Variants in SLC4A4 observed in about 807,000 individuals in gnomAD.
The protein encoded by SLC4A4 is electrogenic sodium bicarbonate cotransporter 1.
In SLC4A4, 27 loss-of-function variants were observed where a neutral mutation model predicts 111.5. The observed-to-expected ratio is 0.24, with a 90% confidence interval of 0.18 to 0.33. The LOEUF is 0.33. Among genes scored for constraint, SLC4A4 ranks in the 10% least tolerant of loss-of-function variants. The pLI, the probability that SLC4A4 is intolerant of heterozygous loss-of-function variation, is 1.00. For missense variants in SLC4A4, 909 were observed against 1,315.5 expected, an observed-to-expected ratio of 0.69 and a Z score of 4.78; for synonymous variants, 443 against 463.4, an observed-to-expected ratio of 0.96 and a Z score of 0.57.
chr4:71,560,799 A>G (rs1477739611), intron 23 of SLC4A4, among the ~76,000 whole-genome samples: 1 of 151,768 alleles, frequency 6.6e-6, no homozygotes, highest in Non-Finnish European at 1.5e-5. Context: ...TTCAATAAAA[A>G]GAAAAGGGAA....
intron 20 of SLC4A4, among the ~76,000 whole-genome samples, chr4:71,549,316 C>G (rs1195034076): frequency 1.3e-5 from 2 of 151,820 alleles, no homozygotes; most frequent in East Asian, 3.9e-4. Flanking sequence ...ACAGTGTTAC[C>G]TTTTAGGCAA....
intron 16 of SLC4A4, among the ~76,000 whole-genome samples, chr4:71,498,193 C>T (rs957914854): frequency 1.2e-4 from 19 of 152,172 alleles, no homozygotes; most frequent in African/African-American, 4.1e-4. Context: ...GCCAAACTTT[C>T]CTTCCCGTAA....
chr4:71,091,763 G>A (rs532817075), intron 1 of SLC4A4, among the ~76,000 whole-genome samples: 1 of 152,200 alleles, frequency 6.6e-6, no homozygotes, highest in African/African-American at 2.4e-5. Flanking sequence ...TTAGGATCTG[G>A]CTCCTAAGAC....
chr4:71,074,446 G>A (rs1484105811), intron 1 of SLC4A4, among the ~76,000 whole-genome samples: 2 of 152,154 alleles, frequency 1.3e-5, no homozygotes, highest in Non-Finnish European at 2.9e-5. Flanking sequence ...AAACTTCATT[G>A]TTGTTCAAAA....
At chr4:71,449,968 C>T (rs1725606870) in intron 9 of SLC4A4, among the ~76,000 whole-genome samples, 4 of 152,214 alleles carry the variant, frequency 2.6e-5, no homozygotes, top group Admixed American at 2.6e-4. Context: ...CCGATCTTAA[C>T]ACTCAGCTTG....
chr4:71,091,546 C>G (rs936070605), intron 1 of SLC4A4, among the ~76,000 whole-genome samples: 1 of 152,054 alleles, frequency 6.6e-6, no homozygotes, highest in African/African-American at 2.4e-5. Context: ...AGCCACTGCA[C>G]CCGGCCTGGC....
chr4:71,535,956 T>C (rs1734378099), intron 18 of SLC4A4, among the ~76,000 whole-genome samples: 1 of 152,090 alleles, frequency 6.6e-6, no homozygotes, highest in Non-Finnish European at 1.5e-5. Flanking sequence ...GGTTTTCACT[T>C]ATGATGAAAG....
chr4:71,325,338 G>A (rs1447876738), intron 3 of SLC4A4, among the ~76,000 whole-genome samples: 1 of 151,918 alleles, frequency 6.6e-6, no homozygotes, highest in Middle Eastern at 3.4e-3. Context: ...ATAATAGGAG[G>A]GTATATCAGG....
At chr4:71,237,620 A>G (rs1163527193) in intron 2 of SLC4A4, among the ~76,000 whole-genome samples, 1 of 152,102 alleles carries the variant, frequency 6.6e-6, no homozygotes, top group Admixed American at 6.5e-5. Context: ...GAGAGTCAGT[A>G]TTGTATGTTC....
chr4:71,091,724 C>T (rs1742397084), intron 1 of SLC4A4, among the ~76,000 whole-genome samples: 1 of 152,048 alleles, frequency 6.6e-6, no homozygotes, highest in Admixed American at 6.6e-5. Context: ...TAAAGAGATC[C>T]CATCTTTGGG....
intron 1 of SLC4A4, among the ~76,000 whole-genome samples, chr4:71,218,052 A>G (rs1174499395): frequency 6.6e-6 from 1 of 152,174 alleles, no homozygotes. Flanking sequence ...AGAAGAAATA[A>G]TTCTTTCTTT....
intron 7 of SLC4A4, among the ~76,000 whole-genome samples, chr4:71,429,483 T>C (rs1203551514): frequency 6.6e-6 from 1 of 152,078 alleles, no homozygotes; most frequent in Non-Finnish European, 1.5e-5. Flanking sequence ...TGAGTAACTA[T>C]AGCATCACTA....
rs568554096 is a variant in SLC4A4 at position 71,342,751 on chromosome 4, G to T, written c.389+3246G>T. On this transcript the variant is annotated intron_variant, in intron 4 of 25. Coordinates refer to ENST00000264485, the MANE Select transcript of SLC4A4 (RefSeq NM_001098484.3). ...AAAGGTAGAGAGATTATAGTTCATT[G>T]TATAGGTAATTCAACATTGAATGAT... is the stretch of plus-strand genomic sequence containing the variant. Among the ~76,000 whole-genome samples, 31 of 152,158 alleles carry T rather than the reference G, an allele frequency of 2.0e-4. No homozygotes were observed. The East Asian group carries it at 5.4e-3, about 26-fold the overall frequency.
chr4:71,539,436 T>C (rs1275453761), intron 18 of SLC4A4, among the ~76,000 whole-genome samples: 3 of 152,166 alleles, frequency 2.0e-5, no homozygotes, highest in Non-Finnish European at 4.4e-5. Context: ...AAGTTTAAAA[T>C]GGCTTTCTTC....
chr4:71,133,452 C>T (rs1434452800), intron 2 of SLC4A4, among the ~76,000 whole-genome samples: 1 of 152,200 alleles, frequency 6.6e-6, no homozygotes, highest in Non-Finnish European at 1.5e-5. Flanking sequence ...TGGAACTCAG[C>T]TGCGGGAGTC....
Position 71,279,472 on chromosome 4 carries a change from A to G in SLC4A4, c.253+24073A>G, listed in dbSNP as rs553713073. 2.0e-5 allele frequency among the ~76,000 whole-genome samples: 3 copies of G among 152,252 alleles called. No individual in the cohort carries two copies. The East Asian group carries it at 5.8e-4, about 29-fold the overall frequency. ...TCCATTGGATATTATATATCTATGT[A>G]TGTATATATACATATATCCGTATAT... On this transcript the variant is annotated intron_variant, in intron 3 of 25. Transcript: ENST00000264485.
intron 16 of SLC4A4, among the ~76,000 whole-genome samples, chr4:71,521,716 C>T (rs1163152408): frequency 6.6e-6 from 1 of 152,132 alleles, no homozygotes; most frequent in Non-Finnish European, 1.5e-5. Flanking sequence ...AGCCCATAGT[C>T]GACCACACAG....
intron 1 of SLC4A4, among the ~76,000 whole-genome samples, chr4:71,220,663 G>A (rs1018169268): frequency 1.3e-5 from 2 of 152,112 alleles, no homozygotes; most frequent in Middle Eastern, 6.8e-3. Flanking sequence ...TCTTATGGGT[G>A]TCTTTTTTCT....
intron 2 of SLC4A4, among the ~76,000 whole-genome samples, chr4:71,180,224 G>A (rs1006066557): frequency 6.6e-6 from 1 of 152,088 alleles, no homozygotes; most frequent in Non-Finnish European, 1.5e-5. Flanking sequence ...GGACTTACAG[G>A]TTAGACCTAA....
Sources: gnomAD v4.1 joint callset for allele counts (sites outside exome capture counted in the v4.1 genomes callset) on GRCh38, gnomAD v4.1.1 for gene constraint, MANE v1.5 for transcripts, NCBI Gene and HGNC (gene_info 2026-07-23, HGNC 2026-07-21) for gene names.